The following MED13L variants were observed in gnomAD, a reference collection of about 807,000 sequenced individuals.
MED13L encodes the protein mediator complex subunit 13L, also known as mediator of RNA polymerase II transcription subunit 13-like.
MED13L carries 7 observed loss-of-function variants against 220.9 expected under a neutral mutation model. The observed-to-expected ratio is 0.03, with a 90% CI of 0.02 to 0.06. MED13L has a LOEUF of 0.06. Among genes scored for constraint, MED13L ranks in the 10% least tolerant of loss-of-function variants. The pLI, the probability that MED13L is intolerant of heterozygous loss-of-function variation, is 1.00. For synonymous variants in MED13L, 1,011 were observed against 1,015.2 expected (o/e 1.00, Z 0.08); for missense variants, 1,965 against 2,760.5 (o/e 0.71, Z 6.46).
At chr12:116,126,776 A>G (rs1395238767) in intron 2 of MED13L, among the ~76,000 whole-genome samples, 1 of 152,164 alleles carries the variant, frequency 6.6e-6, no homozygotes, top group Admixed American at 6.6e-5. Flanking sequence ...CTCATATTGC[A>G]TAATTCTAAC....
Position 115,991,254 on chromosome 12 carries a change from T to C in MED13L, c.3700A>G (p.Thr1234Ala). The C allele has an allele frequency of 1.2e-6, 2 of 1,614,156 alleles. No individual in the cohort carries two copies. The highest frequency in any genetic ancestry group is 1.7e-6 in the Non-Finnish European group (2 of 1,180,028). ...AAATTCAGTGAAGCAAAAGGTTGTGTGTGTTGATTCTGGAGGAGGAGGAGA... is the reference window on the plus strand; with the variant it reads ...AAATTCAGTGAAGCAAAAGGTTGTGCGTGTTGATTCTGGAGGAGGAGGAGA... ...SLLLLLQNQH[T>A]QPFASLNFLD... The change falls in exon 17 of 31, where the codon ACA becomes GCA. Residue 1234 changes from threonine (T) to alanine (A), a missense_variant. Thr to Ala is a moderately conservative substitution (Grantham distance 58, BLOSUM62 0). Coordinates refer to ENST00000281928, the MANE Select transcript of MED13L (RefSeq NM_015335.5). The surrounding 1 kb of genome is among the most constrained non-coding windows in gnomAD (Gnocchi z 7.7).
At chr12:116,090,449 G>A (rs1003908236) in intron 4 of MED13L, among the ~76,000 whole-genome samples, 2 of 152,194 alleles carry the variant, frequency 1.3e-5, no homozygotes, top group African/African-American at 4.8e-5. Flanking sequence ...GAATACAAGA[G>A]TTACTTTCTG....
chr12:116,275,559 C>T (rs1180033517), intron 1 of MED13L, among the ~76,000 whole-genome samples: 1 of 152,064 alleles, frequency 6.6e-6, no homozygotes, highest in East Asian at 1.9e-4. Flanking sequence ...TGCATTTCTC[C>T]ATTAGTCTCA....
At chr12:116,113,452 C>T (rs1029042765) in intron 2 of MED13L, among the ~76,000 whole-genome samples, 18 of 148,462 alleles carry the variant, frequency 1.2e-4, no homozygotes, top group African/African-American at 4.5e-4. Context: ...GCCTGGGCAA[C>T]ACAGCCAGTC....
intron 1 of MED13L, among the ~76,000 whole-genome samples, chr12:116,244,641 T>C (rs190638963): frequency 1.3e-5 from 2 of 152,182 alleles, no homozygotes; most frequent in African/African-American, 4.8e-5. Flanking sequence ...TAAGAACAAC[T>C]GGTTAAAAGC....
chr12:116,123,235 C>T (rs1269016305), intron 2 of MED13L, among the ~76,000 whole-genome samples: 1 of 152,022 alleles, frequency 6.6e-6, no homozygotes, highest in Non-Finnish European at 1.5e-5. Flanking sequence ...CTTTTATAAG[C>T]TTACATCATA....
chr12:116,155,428 A>C (rs921897733), intron 2 of MED13L, among the ~76,000 whole-genome samples: 6 of 152,046 alleles, frequency 3.9e-5, no homozygotes, highest in African/African-American at 1.4e-4. Context: ...GTCTCAAAAA[A>C]CGACGTTCTC....
chr12:116,276,029 T>G (rs1228899148), intron 1 of MED13L, among the ~76,000 whole-genome samples: 1 of 152,166 alleles, frequency 6.6e-6, no homozygotes, highest in Non-Finnish European at 1.5e-5. Flanking sequence ...AGGTAGGTAA[T>G]ACGACCCAAT....
intron 14 of MED13L, 129 bp downstream of exon 14, chr12:116,002,874 T>C: frequency 2.5e-6 from 2 of 786,162 alleles, no homozygotes; most frequent in Admixed American, 2.1e-5. Context: ...TAGGTTTTAA[T>C]TCACAGTTAG....
intron 1 of MED13L, among the ~76,000 whole-genome samples, chr12:116,273,867 T>A (rs969021824): frequency 6.6e-6 from 1 of 152,222 alleles, no homozygotes; most frequent in Non-Finnish European, 1.5e-5. Context: ...CTACTTAACA[T>A]CCAGAAATTA....
chr12:116,042,842 T>C (rs1881616618), intron 4 of MED13L, among the ~76,000 whole-genome samples: 1 of 152,154 alleles, frequency 6.6e-6, no homozygotes, highest in African/African-American at 2.4e-5. Context: ...ATTGTTTGAA[T>C]AGAAATAATT....
At chr12:116,143,567 T>A (rs1399768072) in intron 2 of MED13L, among the ~76,000 whole-genome samples, 2 of 152,208 alleles carry the variant, frequency 1.3e-5, no homozygotes, top group Non-Finnish European at 1.5e-5. Flanking sequence ...CAGCAGCTGA[T>A]ATCACATTAA....
chr12:115,991,343 C>T lies in MED13L; in HGVS notation c.3611G>A (p.Cys1204Tyr), dbSNP rs1878047620. The T allele has an allele frequency of 2.5e-6, 4 of 1,613,994 alleles. No individual in the cohort carries two copies. Among genetic ancestry groups the T allele is most frequent in the Non-Finnish European group, 3.4e-6 (4 of 1,180,018 alleles). The change falls in exon 17 of 31, where the codon TGT (cysteine) becomes TAT (tyrosine). Residue 1204 changes from cysteine (C) to tyrosine (Y), a missense_variant. Around this residue, in one of 10 missense-constraint regions of MED13L, gnomAD observed 165 missense variants for 190.8 expected, o/e 0.86. Coordinates refer to ENST00000281928, the MANE Select transcript of MED13L (RefSeq NM_015335.5). The surrounding 1 kb of genome is among the most constrained non-coding windows in gnomAD (Gnocchi z 7.7). ...CACCTGAGGAAGGAAGGTGGACTGACACATCATTAAGCGCCTCTCTGCAGC... is the reference window on the plus strand; with the variant it reads ...CACCTGAGGAAGGAAGGTGGACTGATACATCATTAAGCGCCTCTCTGCAGC... ...GQAAERRLMM[C>Y]QSTFLPQVEG...
At chr12:115,972,325 G>A in intron 25 of MED13L, 89 bp from the exon 26 acceptor site, 2 of 1,506,826 alleles carry the variant, frequency 1.3e-6, no homozygotes, top group Non-Finnish European at 1.8e-6. Flanking sequence ...CCCGGTAATT[G>A]AATTTCCAAG....
chr12:115,997,574 A>C (rs969582328), intron 14 of MED13L, among the ~76,000 whole-genome samples: 1 of 152,154 alleles, frequency 6.6e-6, no homozygotes, highest in African/African-American at 2.4e-5. Context: ...GGCACGTGCC[A>C]CCATGCCCAG....
chr12:116,275,201 C>T (rs1288191202), intron 1 of MED13L, among the ~76,000 whole-genome samples: 1 of 151,924 alleles, frequency 6.6e-6, no homozygotes, highest in African/African-American at 2.4e-5. Context: ...TTTAAATACC[C>T]CTTGATCAAT....
chr12:116,241,855 G>C (rs1365965797), intron 1 of MED13L, among the ~76,000 whole-genome samples: 1 of 151,900 alleles, frequency 6.6e-6, no homozygotes, highest in African/African-American at 2.4e-5. Context: ...GTATAAAATG[G>C]GTGTTCGAAG....
chr12:116,147,626 T>C (rs1012753824), intron 2 of MED13L, among the ~76,000 whole-genome samples: 2 of 152,164 alleles, frequency 1.3e-5, no homozygotes, highest in African/African-American at 2.4e-5. Flanking sequence ...TAAAGACATC[T>C]TGACAGCACG....
intron 2 of MED13L, among the ~76,000 whole-genome samples, chr12:116,147,446 G>A (rs959485205): frequency 6.6e-6 from 1 of 152,028 alleles, no homozygotes; most frequent in African/African-American, 2.4e-5. Flanking sequence ...TTTATCAGCT[G>A]CAACAAAAAG....
Sources: allele counts gnomAD v4.1 joint callset (sites outside exome capture counted in the v4.1 genomes callset), GRCh38; gene constraint gnomAD v4.1.1; regional missense constraint gnomAD v4.1.1; non-coding constraint Gnocchi (gnomAD v3.1); transcripts MANE v1.5; gene names NCBI Gene and HGNC (gene_info 2026-07-23, HGNC 2026-07-21).